CEP97: variants seen among roughly 807,000 people sequenced by gnomAD.
CEP97 encodes centrosomal protein of 97 kDa.
In CEP97, 43 loss-of-function variants were observed where a neutral mutation model predicts 73.1. The observed-to-expected ratio is 0.59, with a 90% CI of 0.46 to 0.76. The LOEUF (loss-of-function observed/expected upper bound fraction) is 0.76. Ranked by LOEUF, CEP97 falls within the 30% of genes least tolerant of loss-of-function variation. The pLI is 0.00. For synonymous variants in CEP97, 337 were observed against 370.0 expected (o/e 0.91, Z 1.02); for missense variants, 939 against 1,014.0 (o/e 0.93, Z 1.00).
intron 6 of CEP97, among the ~76,000 whole-genome samples, chr3:101,736,011 G>T (rs1397776294): frequency 2.6e-5 from 4 of 152,194 alleles, no homozygotes; most frequent in Admixed American, 6.5e-5. Context: ...CTTGTCGGGG[G>T]AGGGGCATCT....
chr3:101,758,181 T>C lies in CEP97; in HGVS notation c.1575T>C (p.Asn525=), dbSNP rs752411786. 1.2e-6 allele frequency: 2 copies of C among 1,613,120 alleles called. No individual in the cohort carries two copies. The highest frequency in any genetic ancestry group is 1.1e-5 in the South Asian group (1 of 90,948). ...IKKPENTQPE[N]KETISQATSE... is the part of the protein sequence containing the mutation. ...AACCAGAAAATACACAACCAGAAAATAAAGAAACCATATCTCAAGCAACTT... is the reference window on the plus strand; with the variant it reads ...AACCAGAAAATACACAACCAGAAAACAAAGAAACCATATCTCAAGCAACTT... The change falls in exon 9 of 11, where the codon AAT becomes AAC. Residue 525 remains asparagine, a synonymous_variant. Transcript: ENST00000341893.
intron 6 of CEP97, among the ~76,000 whole-genome samples, chr3:101,737,062 C>T (rs1353693020): frequency 6.6e-6 from 1 of 151,926 alleles, no homozygotes; most frequent in Non-Finnish European, 1.5e-5. Context: ...TATCAATAGT[C>T]GATTTGATCA....
chr3:101,752,140 C>T (rs13097827), intron 6 of CEP97, among the ~76,000 whole-genome samples: 47,936 of 151,952 alleles, frequency 0.32, 7,780 homozygotes, highest in Non-Finnish European at 0.35. Flanking sequence ...TTTATTTCTC[C>T]TTCACTTATG....
chr3:101,739,248 G>A (rs1374572109), intron 6 of CEP97, among the ~76,000 whole-genome samples: 1 of 152,144 alleles, frequency 6.6e-6, no homozygotes, highest in Non-Finnish European at 1.5e-5. Context: ...GGTACAAAGA[G>A]GAGCTGGTAC....
intron 6 of CEP97, among the ~76,000 whole-genome samples, chr3:101,739,651 T>C (rs953794307): frequency 6.6e-6 from 1 of 152,092 alleles, no homozygotes; most frequent in African/African-American, 2.4e-5. Context: ...CTCACGACTG[T>C]AATCCCAGCA....
chr3:101,765,614 C>A lies in CEP97; in HGVS notation c.*63C>A. The stretch of plus-strand genomic sequence containing the variant: ...TTAAAAATACTTTCAGTTGCCTTTG[C>A]TTTTTTTTGGAGGGAAATACTCCCT... On this transcript the variant is annotated 3_prime_UTR_variant, in exon 11 of 11. Transcript: ENST00000341893. The A allele has an allele frequency of 1.4e-6, 2 of 1,391,624 alleles. No individual in the cohort carries two copies. The highest frequency in any genetic ancestry group is 2.0e-6 in the Non-Finnish European group (2 of 1,020,592). 86.2% of individuals were successfully genotyped at this position (1,391,624 alleles called of 1,614,324 possible).
At chr3:101,726,867 C>A in intron 2 of CEP97, 131 bp downstream of exon 2, 1 of 585,908 alleles carries the variant, frequency 1.7e-6, no homozygotes, top group Non-Finnish European at 2.9e-6. Flanking sequence ...TTTTACATGA[C>A]AGTTTCTTCT....
At chr3:101,753,611 G>T (rs917419402) in intron 6 of CEP97, among the ~76,000 whole-genome samples, 1 of 152,240 alleles carries the variant, frequency 6.6e-6, no homozygotes, top group East Asian at 1.9e-4. Context: ...GCAATGGCGG[G>T]CGCCCCTCCC....
rs530736013 is a variant in CEP97 at position 101,767,536 on chromosome 3, T to C, written c.*1985T>C. 1 of 152,330 alleles carries C rather than the reference T, an allele frequency of 6.6e-6. No individual in the cohort carries two copies. Among genetic ancestry groups the C allele is most frequent in the South Asian group, 2.1e-4 (1 of 4,834 alleles). The allele number at this position is 152,330 out of a possible 1,614,324, so 9.4% of individuals were successfully genotyped here. On this transcript the variant is annotated 3_prime_UTR_variant, in exon 11 of 11. Transcript: ENST00000341893. ...AAGCTGCTGGAATGTCATGATTCAG[T>C]ATTACCTAAATAGATTTCTGCTAAA...
chr3:101,739,828 C>T (rs753536606), intron 6 of CEP97, among the ~76,000 whole-genome samples: 20 of 151,670 alleles, frequency 1.3e-4, no homozygotes, highest in Non-Finnish European at 2.2e-4. Context: ...TTGCTTGAAC[C>T]CGGGAGGCGT....
chr3:101,744,937 T>C (rs1467214611), intron 6 of CEP97, among the ~76,000 whole-genome samples: 1 of 152,236 alleles, frequency 6.6e-6, no homozygotes, highest in East Asian at 1.9e-4. Flanking sequence ...CCTAGATTCT[T>C]TGATAACATC....
intron 6 of CEP97, among the ~76,000 whole-genome samples, chr3:101,736,300 C>T (rs774321133): frequency 1.3e-4 from 20 of 152,192 alleles, no homozygotes; most frequent in Non-Finnish European, 2.1e-4. Flanking sequence ...TCCTGCCTCC[C>T]GGCTCTGTAA....
intron 6 of CEP97, among the ~76,000 whole-genome samples, chr3:101,747,258 CT>C (rs35085560): frequency 0.25 from 32,069 of 129,482 alleles, 2,674 homozygotes; most frequent in Non-Finnish European, 0.28. Context: ...TTCAGAACTC[CT>C]TTTTTTTTTT....
chr3:101,740,357 C>A (rs1323006277), intron 6 of CEP97, among the ~76,000 whole-genome samples: 2 of 152,138 alleles, frequency 1.3e-5, no homozygotes, highest in South Asian at 4.1e-4. Flanking sequence ...GAGTGAACTT[C>A]CATTCACAAT....
rs377071978 is a variant in CEP97, at chr3:101,757,171, A to G, written c.1002A>G (p.Gln334=). 1.2e-6 allele frequency: 2 copies of G among 1,608,280 alleles called. No homozygotes were observed. Among genetic ancestry groups the G allele is most frequent in the African/African-American group, 1.3e-5 (1 of 74,654 alleles). ...SLIPEHSSPV[Q]DCQISQESEP... ...TTCCTGAGCATTCAAGCCCTGTTCA[A>G]GATTGCCAGATATCCCAGGAAAGTG... is the stretch of plus-strand genomic sequence containing the variant. Residue 334 remains glutamine (Q), a synonymous_variant, in exon 8 of 11, where the codon CAA becomes CAG. Transcript: ENST00000341893.
intron 6 of CEP97, among the ~76,000 whole-genome samples, chr3:101,753,690 C>T (rs13062083): frequency 3.9e-5 from 6 of 152,162 alleles, no homozygotes; most frequent in African/African-American, 7.2e-5. Flanking sequence ...ACTCCGTGGG[C>T]GTAGGACCCT....
intron 6 of CEP97, among the ~76,000 whole-genome samples, chr3:101,745,368 C>T (rs1938580628): frequency 1.3e-5 from 2 of 152,268 alleles, no homozygotes; most frequent in South Asian, 4.1e-4. Flanking sequence ...TCAAACGATT[C>T]TTCTGCTTCA....
intron 6 of CEP97, among the ~76,000 whole-genome samples, chr3:101,746,692 C>G (rs903289266): frequency 1.3e-5 from 2 of 152,172 alleles, no homozygotes; most frequent in African/African-American, 4.8e-5. Flanking sequence ...TCTCATTAAA[C>G]TAAAGACCTT....
chr3:101,764,363 G>A (rs1939251250), intron 10 of CEP97, among the ~76,000 whole-genome samples: 1 of 152,140 alleles, frequency 6.6e-6, no homozygotes, highest in African/African-American at 2.4e-5. Context: ...TGTAATCCTA[G>A]CACTTTGGGA....
Sources: gnomAD v4.1 joint callset for allele counts (sites outside exome capture counted in the v4.1 genomes callset) on GRCh38, gnomAD v4.1.1 for gene constraint, MANE v1.5 for transcripts, NCBI Gene and HGNC (gene_info 2026-07-23, HGNC 2026-07-21) for gene names.